The following HACD3 variants were observed in gnomAD, a reference collection of about 807,000 sequenced individuals.
The protein encoded by HACD3 is very-long-chain (3R)-3-hydroxyacyl-CoA dehydratase 3.
In HACD3, 30 loss-of-function variants were observed where a neutral mutation model predicts 55.2. The observed-to-expected ratio is 0.54, with a 90% CI of 0.41 to 0.74. HACD3 has a LOEUF of 0.74. Ranked by LOEUF, HACD3 falls within the 30% of genes least tolerant of loss-of-function variation. The probability of loss-of-function intolerance (pLI) is 0.00; values close to 1 mark genes in which losing one functional copy is unlikely to be tolerated. For synonymous variants in HACD3, 141 were observed against 151.7 expected (o/e 0.93, Z 0.52); for missense variants, 363 against 440.1 (o/e 0.82, Z 1.57).
chr15:65,564,634 C>A, intron 7 of HACD3: 1 of 277,612 alleles, frequency 3.6e-6, no homozygotes, highest in South Asian at 5.2e-5. Flanking sequence ...TATTCACTAT[C>A]CTGAGAATAG....
chr15:65,555,584 G>A (rs919999), intron 3 of HACD3, among the ~76,000 whole-genome samples: 71,580 of 152,000 alleles, frequency 0.47, 19,868 homozygotes, highest in Non-Finnish European at 0.62. Context: ...CCGTGCGCAG[G>A]TGCTCAGTTG....
intron 1 of HACD3, among the ~76,000 whole-genome samples, chr15:65,545,193 G>T (rs1291508066): frequency 6.6e-6 from 1 of 152,114 alleles, no homozygotes; most frequent in Non-Finnish European, 1.5e-5. Flanking sequence ...CACTACAGTG[G>T]AAAGTTCTGG....
chr15:65,556,891 G>A lies in HACD3; in HGVS notation c.357G>A (p.Glu119=). The A allele has an allele frequency of 6.2e-7, 1 of 1,612,260 alleles. No homozygotes were observed. Among genetic ancestry groups the A allele is most frequent in the Admixed American group, 1.7e-5 (1 of 59,850 alleles). ...TGGATGAATCTGATGCGGAAATGGAGCTCAGAGCTAAGGTTAGTAAGGATC... is the reference window on the plus strand; with the variant it reads ...TGGATGAATCTGATGCGGAAATGGAACTCAGAGCTAAGGTTAGTAAGGATC... ...RWLDESDAEM[E]LRAKEEERLN... The change falls in exon 4 of 11, where the codon GAG becomes GAA. Residue 119 remains glutamate (E), a synonymous_variant. Transcript: ENST00000261875.
At chr15:65,563,709 G>A (rs1204213201) in intron 6 of HACD3, among the ~76,000 whole-genome samples, 1 of 152,042 alleles carries the variant, frequency 6.6e-6, no homozygotes, top group African/African-American at 2.4e-5. Context: ...GGTGGCTCAC[G>A]CCTGTAATCC....
chr15:65,571,543 A>T lies in HACD3; in HGVS notation c.774-5A>T, dbSNP rs777160509. On this transcript the variant is annotated splice_polypyrimidine_tract_variant and splice_region_variant and intron_variant, in intron 8 of 10. Coordinates refer to ENST00000261875, the MANE Select transcript of HACD3 (RefSeq NM_016395.4). ...TTTCACATTGGAATCATTTATTTTC[A>T]ATAGGTACTCTTTCTACATGCTGAC... The T allele has an allele frequency of 1.9e-6, 3 of 1,607,652 alleles. No individual in the cohort carries two copies. In the Admixed American group the frequency reaches 5.0e-5, roughly 27 times the overall value.
intron 10 of HACD3, among the ~76,000 whole-genome samples, chr15:65,573,198 C>G (rs546974708): frequency 1.3e-5 from 2 of 152,114 alleles, no homozygotes; most frequent in Admixed American, 1.3e-4. Context: ...ATCATAAATT[C>G]CTGCCTTTAT....
At chr15:65,551,433 T>C (rs189813982) in intron 1 of HACD3, among the ~76,000 whole-genome samples, 155 of 152,352 alleles carry the variant, frequency 1.0e-3, no homozygotes, top group African/African-American at 3.5e-3. Flanking sequence ...AGTACTTGAT[T>C]GTTTGCACAG....
chr15:65,572,820 C>T (rs951700948), intron 10 of HACD3, among the ~76,000 whole-genome samples: 2 of 150,432 alleles, frequency 1.3e-5, no homozygotes, highest in African/African-American at 4.9e-5. Context: ...GAGGCTGAGG[C>T]AGGAGAATCG....
Position 65,570,724 on chromosome 15 carries a change from A to G in HACD3, c.773+521A>G, listed in dbSNP as rs551411442. Among the ~76,000 whole-genome samples the G allele has an allele frequency of 9.8e-5, 15 of 152,318 alleles. No individual in the cohort carries two copies. The South Asian group carries it at 2.7e-3, about 27-fold the overall frequency. ...AAATGGATCTAGTTAAAGTAGATGT[A>G]TTCTTCTTTACCAGACCATACACAC... On this transcript the variant is annotated intron_variant, in intron 8 of 10. Coordinates refer to ENST00000261875, the MANE Select transcript of HACD3 (RefSeq NM_016395.4).
At chr15:65,554,015 T>G (rs1383645228) in intron 2 of HACD3, among the ~76,000 whole-genome samples, 1 of 152,216 alleles carries the variant, frequency 6.6e-6, no homozygotes, top group African/African-American at 2.4e-5. Flanking sequence ...TGCGAAAGAT[T>G]GTATTTCTTT....
intron 3 of HACD3, among the ~76,000 whole-genome samples, chr15:65,556,407 CT>C (rs1459237330): frequency 6.6e-6 from 1 of 152,264 alleles, no homozygotes; most frequent in East Asian, 1.9e-4. Context: ...CTATGTGAAT[CT>C]TGTGCCAATG....
intron 7 of HACD3, among the ~76,000 whole-genome samples, chr15:65,568,443 C>T (rs539716040): frequency 4.6e-5 from 7 of 151,812 alleles, no homozygotes; most frequent in African/African-American, 1.2e-4. Context: ...ACTGCAACCT[C>T]GGCCTCCCAC....
intron 7 of HACD3, among the ~76,000 whole-genome samples, chr15:65,568,153 C>A (rs181905307): frequency 6.6e-6 from 1 of 151,734 alleles, no homozygotes; most frequent in African/African-American, 2.4e-5. Context: ...AACTCCTGAC[C>A]CCAGGTGATC....
At chr15:65,535,691 A>C in intron 1 of HACD3, 1 of 460,694 alleles carries the variant, frequency 2.2e-6, no homozygotes. Context: ...GTGATCTTTG[A>C]TGTTAACTTT....
At chr15:65,561,703 C>T (rs1481831871) in intron 5 of HACD3, among the ~76,000 whole-genome samples, 1 of 152,140 alleles carries the variant, frequency 6.6e-6, no homozygotes, top group African/African-American at 2.4e-5. Flanking sequence ...AGTTCTGCAG[C>T]AGACACCAGC....
In HACD3 at chr15:65,557,660, C is replaced by T. The variant is rs549331246; in HGVS notation, c.369+757C>T. ...GGAGCAGGGAGTTATGCTTCCTGTC[C>T]TTTAGATGGAGGGAGTATCTACATA... On this transcript the variant is annotated intron_variant, in intron 4 of 10. Transcript: ENST00000261875. Among the ~76,000 whole-genome samples the T allele has an allele frequency of 2.4e-4, 36 of 152,142 alleles. No homozygotes were observed. The East Asian group carries it at 3.9e-3, about 16-fold the overall frequency.
At position 65,576,715 on chromosome 15, in the gene HACD3, T is replaced by C. The variant is rs1482710027; in HGVS notation, c.*336T>C. On this transcript the variant is annotated 3_prime_UTR_variant, in exon 11 of 11. Coordinates refer to ENST00000261875, the MANE Select transcript of HACD3 (RefSeq NM_016395.4). ...AAAGTGCTTTATCCCTACAATGTAC[T>C]GACAGTTCTTACAGTTGAGATTTGT... The C allele has an allele frequency of 1.6e-5, 4 of 243,752 alleles. No individual in the cohort carries two copies. Among genetic ancestry groups the C allele is most frequent in the Non-Finnish European group, 3.1e-5 (4 of 127,218 alleles). The allele number at this position is 243,752 out of a possible 1,614,324, so 15.1% of individuals were successfully genotyped here. A position where few individuals can be genotyped will look rare whatever the true frequency, so the allele number is the denominator to read the frequency against.
intron 7 of HACD3, among the ~76,000 whole-genome samples, chr15:65,567,355 T>TTG (rs1304214194): frequency 6.6e-6 from 1 of 152,046 alleles, no homozygotes; most frequent in Non-Finnish European, 1.5e-5. Flanking sequence ...AATGGATAGT[T>TTG]TGTGTTGTAG....
At chr15:65,537,985 ATATATATATATATATG>A (rs2071980905) in intron 1 of HACD3, among the ~76,000 whole-genome samples, 6 of 108,192 alleles carry the variant, frequency 5.5e-5, no homozygotes, top group Admixed American at 4.2e-4. Context: ...ATATATATAT[ATATATATATATATATG>A]TATATTCCTT....
Sources: gnomAD v4.1 joint callset for allele counts (sites outside exome capture counted in the v4.1 genomes callset) on GRCh38, gnomAD v4.1.1 for gene constraint, MANE v1.5 for transcripts, NCBI Gene and HGNC (gene_info 2026-07-23, HGNC 2026-07-21) for gene names.